The following WASHC2A variants were observed in gnomAD, a reference collection of about 807,000 sequenced individuals.
The protein encoded by WASHC2A is WASH complex subunit 2A, also known as WASH complex subunit FAM21A.
A neutral mutation model predicts 140.3 loss-of-function variants in WASHC2A; 82 were observed. The observed-to-expected ratio is 0.58, with a 90% CI of 0.49 to 0.70. The LOEUF (loss-of-function observed/expected upper bound fraction) is 0.70. Among genes scored for constraint, WASHC2A ranks in the 30% least tolerant of loss-of-function variants. WASHC2A has a pLI of 0.00. For synonymous variants in WASHC2A, 340 were observed against 560.8 expected, an observed-to-expected ratio of 0.61 and a Z score of 5.56; for missense variants, 985 against 1,521.8, an observed-to-expected ratio of 0.65 and a Z score of 5.87.
At chr10:50,097,860 A>T in intron 16 of WASHC2A, 58 bp downstream of exon 16, 2 of 1,611,110 alleles carry the variant, frequency 1.2e-6, no homozygotes, top group Non-Finnish European at 8.5e-7. Flanking sequence ...TTAATAATTC[A>T]TCCTGAACCC....
At chr10:50,115,798 T>C (rs1842624415) in intron 21 of WASHC2A, among the ~76,000 whole-genome samples, 1 of 150,578 alleles carries the variant, frequency 6.6e-6, no homozygotes, top group South Asian at 2.2e-4. Flanking sequence ...CTTCAGACTT[T>C]CCTTATTTTC....
In WASHC2A at chr10:50,106,320, A is replaced by G. The variant is rs199680982; in HGVS notation, c.1738-14A>G. 7.0e-3 allele frequency: 11,236 copies of G among 1,611,480 alleles called. 69 individuals carry two copies. Among genetic ancestry groups the G allele is most frequent in the Middle Eastern group, 0.024 (106 of 4,430 alleles). On this transcript the variant is annotated splice_polypyrimidine_tract_variant and intron_variant, in intron 18 of 30. Transcript: ENST00000282633. ...TATAAAGTTGTCTTACCTTTCTGCC[A>G]TTTGCTTTTCTAGGATAATCTTTTT...
intron 19 of WASHC2A, among the ~76,000 whole-genome samples, chr10:50,109,895 G>A (rs2805205): frequency 4.1e-3 from 592 of 144,108 alleles, no homozygotes; most frequent in East Asian, 0.014. Context: ...TCAGCCTCCC[G>A]AGTAGCTGGG....
At chr10:50,108,890 A>G (rs1348579010) in intron 19 of WASHC2A, among the ~76,000 whole-genome samples, 1 of 59,726 alleles carries the variant, frequency 1.7e-5, no homozygotes, top group Non-Finnish European at 4.2e-5. Context: ...TCGAAAAAGG[A>G]AAAAAAAAAA....
intron 16 of WASHC2A, 69 bp downstream of exon 16, chr10:50,097,871 A>G: frequency 1.9e-6 from 3 of 1,610,470 alleles, no homozygotes; most frequent in Non-Finnish European, 2.5e-6. Flanking sequence ...TCCTGAACCC[A>G]GAGGGAAGTG....
intron 8 of WASHC2A, among the ~76,000 whole-genome samples, chr10:50,088,236 T>A (rs1554881639): frequency 6.8e-6 from 1 of 146,978 alleles, no homozygotes; most frequent in African/African-American, 2.5e-5. Flanking sequence ...TTTCTAGAGT[T>A]GTATTTTTGA....
chr10:50,102,461 C>T (rs1237207416), intron 17 of WASHC2A, among the ~76,000 whole-genome samples: 1 of 152,022 alleles, frequency 6.6e-6, no homozygotes, highest in Non-Finnish European at 1.5e-5. Context: ...CTTTCATTTT[C>T]TTAGAACAGC....
intron 20 of WASHC2A, among the ~76,000 whole-genome samples, chr10:50,113,546 C>T (rs574973003): frequency 6.6e-4 from 100 of 152,020 alleles, no homozygotes; most frequent in African/African-American, 2.4e-3. Context: ...GGCCTGTCCG[C>T]TTTGATTCTT....
chr10:50,095,536 T>G, intron 14 of WASHC2A, 63 bp from the exon 15 acceptor site: 1 of 1,589,532 alleles, frequency 6.3e-7, no homozygotes, highest in Non-Finnish European at 8.6e-7. Flanking sequence ...ATAATTTTTT[T>G]CTGTAAATTC....
chr10:50,130,276 G>C (rs1319405431), intron 29 of WASHC2A, among the ~76,000 whole-genome samples: 1 of 147,522 alleles, frequency 6.8e-6, no homozygotes, highest in African/African-American at 2.4e-5. Flanking sequence ...ACTGGTCTTG[G>C]TTTCTCTAGT....
intron 4 of WASHC2A, among the ~76,000 whole-genome samples, chr10:50,079,224 G>A (rs1280647656): frequency 4.6e-5 from 7 of 150,732 alleles, no homozygotes; most frequent in Admixed American, 3.3e-4. Flanking sequence ...CTTTGATTTT[G>A]TTCTCATTTA....
At chr10:50,125,520 A>G (rs1843351943) in intron 25 of WASHC2A, 71 bp downstream of exon 25, 25 of 1,611,340 alleles carry the variant, frequency 1.6e-5, no homozygotes, top group Non-Finnish European at 2.0e-5. Context: ...ACGTCCAGTT[A>G]GATCATTAAG....
At chr10:50,124,000 C>T (rs1554894065) in intron 23 of WASHC2A, among the ~76,000 whole-genome samples, 2 of 152,014 alleles carry the variant, frequency 1.3e-5, no homozygotes, top group Non-Finnish European at 2.9e-5. Context: ...ACATTACTTG[C>T]TGTGTTAAAC....
rs1841243158 is a variant in WASHC2A, at chr10:50,102,011, C to T, written c.1635+1947C>T. Among the ~76,000 whole-genome samples, 7 of 152,314 alleles carry T rather than the reference C, an allele frequency of 4.6e-5. No homozygotes were observed. The South Asian group carries it at 1.2e-3, about 27-fold the overall frequency. On this transcript the variant is annotated intron_variant, in intron 17 of 30. Coordinates refer to ENST00000282633, the MANE Select transcript of WASHC2A (RefSeq NM_001005751.3). ...TCTTTGTTCCAGCCTTGGAAGTCAA[C>T]GGTGTTCCTTTTGCTTCATTTGTTG...
intron 2 of WASHC2A, 167 bp from the exon 3 acceptor site, chr10:50,069,380 T>C (rs1449891788): frequency 1.8e-5 from 20 of 1,091,228 alleles, no homozygotes; most frequent in Middle Eastern, 3.2e-4. Flanking sequence ...GATGGCGCCA[T>C]TGTACTCCAG....
intron 17 of WASHC2A, among the ~76,000 whole-genome samples, chr10:50,100,895 T>A (rs1267947962): frequency 6.6e-6 from 1 of 152,310 alleles, no homozygotes; most frequent in Non-Finnish European, 1.5e-5. Flanking sequence ...CTAGGTCGTC[T>A]TAGATCCAAT....
At chr10:50,072,781 C>T in intron 3 of WASHC2A, among the ~76,000 whole-genome samples, 1 of 152,192 alleles carries the variant, frequency 6.6e-6, no homozygotes, top group Non-Finnish European at 1.5e-5. Context: ...GCCACCATAC[C>T]CGGCAATCTG....
In WASHC2A at chr10:50,068,115, C is replaced by T; in HGVS notation, c.14C>T (p.Thr5Met). 1 of 1,606,626 alleles carries T rather than the reference C, an allele frequency of 6.2e-7. No individual in the cohort carries two copies. Among genetic ancestry groups the T allele is most frequent in the Non-Finnish European group, 8.5e-7 (1 of 1,177,384 alleles). ...TTTTTTTCGCTGCAGATGAACCGGACGACCCCCGACCAGGAGCTGGCGCCA... is the reference window on the plus strand; with the variant it reads ...TTTTTTTCGCTGCAGATGAACCGGATGACCCCCGACCAGGAGCTGGCGCCA... MMNR[T>M]TPDQELAPAS... is the part of the protein sequence containing the mutation. The change falls in exon 2 of 31, where the codon ACG becomes ATG. Residue 5 changes from threonine to methionine, a missense_variant. Transcript: ENST00000282633.
At chr10:50,089,519 T>C (rs1839687915) in intron 8 of WASHC2A, among the ~76,000 whole-genome samples, 1 of 152,080 alleles carries the variant, frequency 6.6e-6, no homozygotes, top group African/African-American at 2.4e-5. Context: ...CTTCCAGTCC[T>C]TTCCTTCTCT....
Sources: gnomAD v4.1 joint callset for allele counts (sites outside exome capture counted in the v4.1 genomes callset) on GRCh38, gnomAD v4.1.1 for gene constraint, MANE v1.5 for transcripts, NCBI Gene and HGNC (gene_info 2026-07-23, HGNC 2026-07-21) for gene names.